The following TRIM41 variants were observed in gnomAD, a reference collection of about 807,000 sequenced individuals.
TRIM41 encodes the protein tripartite motif containing 41.
A neutral mutation model predicts 60.6 loss-of-function variants in TRIM41; 21 were observed. That is an observed-to-expected ratio of 0.35 (90% confidence interval 0.25 to 0.50). The LOEUF (loss-of-function observed/expected upper bound fraction) is 0.50, where lower values mean the gene tolerates loss of function less well. Ranked by LOEUF, TRIM41 falls within the 20% of genes least tolerant of loss-of-function variation. The probability of loss-of-function intolerance (pLI) is 0.98; values close to 1 mark genes in which losing one functional copy is unlikely to be tolerated. For missense variants in TRIM41, 846 were observed against 868.3 expected (o/e 0.97, Z 0.32); for synonymous variants, 407 against 344.9 (o/e 1.18, Z -2.00).
In TRIM41 at chr5:181,227,881, T is replaced by A. The variant is rs2113158301; in HGVS notation, c.814-2863T>A. On this transcript the variant is annotated intron_variant, in intron 1 of 5. Coordinates refer to ENST00000315073, the MANE Select transcript of TRIM41 (RefSeq NM_033549.5). ...TCACTGCAGCCTTGACCTTCTGGGT[T>A]CAGGTGATCCTGAGTAGTAGCTGGG... The A allele has an allele frequency of 2.0e-5, 3 of 152,148 alleles. No homozygotes were observed. In the South Asian group the frequency reaches 6.2e-4, roughly 32 times the overall value. The allele number at this position is 152,148 out of a possible 1,614,324, so 9.4% of individuals were successfully genotyped here.
chr5:181,230,699 C>T, intron 1 of TRIM41, 45 bp from the exon 2 acceptor site: 1 of 1,527,998 alleles, frequency 6.5e-7, no homozygotes, highest in Non-Finnish European at 9.0e-7. Flanking sequence ...CTCTGAAGGG[C>T]AGGTGCCTCT....
chr5:181,223,748 C>T lies in TRIM41; in HGVS notation c.-252C>T, dbSNP rs1240556814. 1 of 594,690 alleles carries T rather than the reference C, an allele frequency of 1.7e-6. No individual in the cohort carries two copies. Among genetic ancestry groups the T allele is most frequent in the Non-Finnish European group, 3.0e-6 (1 of 334,154 alleles). The allele number at this position is 594,690 out of a possible 1,614,324, so 36.8% of individuals were successfully genotyped here. On this transcript the variant is annotated 5_prime_UTR_variant, in exon 1 of 6. Coordinates refer to ENST00000315073, the MANE Select transcript of TRIM41 (RefSeq NM_033549.5). Reference sequence around the variant, plus strand: ...GGGAGCATTGGGGCAGACTTGTACTCAGAGCCACCTGAGGGACTTGGCGGT... The same window carrying T: ...GGGAGCATTGGGGCAGACTTGTACTTAGAGCCACCTGAGGGACTTGGCGGT...
At position 181,233,321 on chromosome 5, in the gene TRIM41, C is replaced by CT; in HGVS notation, c.1141-91dup. On this transcript the variant is annotated intron_variant, in intron 3 of 5. Coordinates refer to ENST00000315073, the MANE Select transcript of TRIM41 (RefSeq NM_033549.5). This position sits in a 1 kb window ranked among gnomAD's most constrained non-coding sequence, Gnocchi z 4.1. ...CTCCCTTCCTGCTCAGGTTCAGTCTCTGACTGGAGATCGGGGAACGCTGTC... is the reference window on the plus strand; with the variant it reads ...CTCCCTTCCTGCTCAGGTTCAGTCTCTTGACTGGAGATCGGGGAACGCTGTC... The CT allele has an allele frequency of 7.5e-7, 1 of 1,342,016 alleles. No homozygotes were observed. Among genetic ancestry groups the CT allele is most frequent in the Non-Finnish European group, 1.1e-6 (1 of 939,326 alleles). 83.1% of individuals were successfully genotyped at this position (1,342,016 alleles called of 1,614,324 possible).
chr5:181,232,957 C>A, intron 3 of TRIM41, 68 bp downstream of exon 3: 1 of 1,459,838 alleles, frequency 6.9e-7, no homozygotes, highest in Non-Finnish European at 9.3e-7. Flanking sequence ...TTACCAAACG[C>A]CTGTCCAGAG....
At chr5:181,232,978 T>C (rs1758875612) in intron 3 of TRIM41, 89 bp downstream of exon 3, 1 of 1,334,330 alleles carries the variant, frequency 7.5e-7, no homozygotes, top group Admixed American at 2.0e-5. Flanking sequence ...CTGCCTCTTT[T>C]CTCCCTGGGA....
Position 181,234,735 on chromosome 5 carries a change from G to A in TRIM41, c.1853G>A (p.Arg618Gln), listed in dbSNP as rs762679654. The A allele has an allele frequency of 3.1e-6, 5 of 1,613,762 alleles. No individual in the cohort carries two copies. The highest frequency in any genetic ancestry group is 2.2e-5 in the East Asian group (1 of 44,860). The change falls in exon 6 of 6, where the codon CGG (arginine) becomes CAG (glutamine). Residue 618 changes from arginine (R) to glutamine (Q), a missense_variant. Arg to Gln is a conservative substitution (Grantham distance 43). Coordinates refer to ENST00000315073, the MANE Select transcript of TRIM41 (RefSeq NM_033549.5). The surrounding 1 kb of genome is among the most constrained non-coding windows in gnomAD (Gnocchi z 5.6). Reference sequence around the variant, plus strand: ...GGCGAGCGTGTCTTTCCTTTCTTCCGGGTGCTCTCCAAGGGCACCCGCATC... The same window carrying A: ...GGCGAGCGTGTCTTTCCTTTCTTCCAGGTGCTCTCCAAGGGCACCCGCATC... ...FLGERVFPFFRVLSKGTRIKL... is the reference protein window; with the variant it reads ...FLGERVFPFFQVLSKGTRIKL...
At position 181,235,793 on chromosome 5, in the gene TRIM41, G is replaced by A. The variant is rs1759090000; in HGVS notation, c.*1018G>A. On this transcript the variant is annotated 3_prime_UTR_variant, in exon 6 of 6. Transcript: ENST00000315073. Reference sequence around the variant, plus strand: ...GGAAGGCGTGCTGTGGAAATAAAATGTTTATTTGCTTCTCTTGTGAGGTCT... The same window carrying A: ...GGAAGGCGTGCTGTGGAAATAAAATATTTATTTGCTTCTCTTGTGAGGTCT... 9.7e-6 allele frequency: 2 copies of A among 206,024 alleles called. No homozygotes were observed. Among genetic ancestry groups the A allele is most frequent in the Non-Finnish European group, 2.0e-5 (2 of 98,448 alleles). The allele number at this position is 206,024 out of a possible 1,614,324, so 12.8% of individuals were successfully genotyped here.
chr5:181,232,774 A>C lies in TRIM41; in HGVS notation c.1025A>C (p.Gln342Pro), dbSNP rs1320537247. 1.8e-5 allele frequency: 29 copies of C among 1,612,744 alleles called. No homozygotes were observed. Among genetic ancestry groups the C allele is most frequent in the Non-Finnish European group, 2.4e-5 (28 of 1,179,792 alleles). The change falls in exon 3 of 6, where the codon CAG becomes CCG. Residue 342 changes from glutamine (Q) to proline (P), a missense_variant. Coordinates refer to ENST00000315073, the MANE Select transcript of TRIM41 (RefSeq NM_033549.5). ...CGTCTCAGAGAGATGCATGAAGCCC[A>C]GCTGGGGCGTGCGGGAGCCGCGGCT... ...ERRLREMHEA[Q>P]LGRAGAAASR...
chr5:181,232,688 G>C lies in TRIM41; in HGVS notation c.939G>C (p.Val313=), dbSNP rs1240674291. The change falls in exon 3 of 6, where the codon GTG becomes GTC. Residue 313 remains valine (V), a synonymous_variant. Coordinates refer to ENST00000315073, the MANE Select transcript of TRIM41 (RefSeq NM_033549.5). ...AGATGAAGTCAGAGCTGGCAGCGGTGGCCTCGGAGTTTGGGCGACTGACAC... is the reference window on the plus strand; with the variant it reads ...AGATGAAGTCAGAGCTGGCAGCGGTCGCCTCGGAGTTTGGGCGACTGACAC... ...KSQMKSELAA[V]ASEFGRLTRF... The C allele has an allele frequency of 2.5e-6, 4 of 1,613,976 alleles. No individual in the cohort carries two copies. Among genetic ancestry groups the C allele is most frequent in the Non-Finnish European group, 3.4e-6 (4 of 1,180,016 alleles).
rs1758887812 is a variant in TRIM41, at chr5:181,233,254, GA to G, written c.1141-156del. The G allele has an allele frequency of 2.4e-6, 2 of 828,644 alleles. No individual in the cohort carries two copies. The highest frequency in any genetic ancestry group is 4.8e-5 in the East Asian group (2 of 41,342). The allele number at this position is 828,644 out of a possible 1,614,324, so 51.3% of individuals were successfully genotyped here. A position where few individuals can be genotyped will look rare whatever the true frequency, so the allele number is the denominator to read the frequency against. ...AGGTATGGCGAGGCATGGGGTGGTT[GA>G]AATGGATGTGTGTTCATTGAGGGCC... On this transcript the variant is annotated intron_variant, in intron 3 of 5. Transcript: ENST00000315073. The surrounding 1 kb of genome is among the most constrained non-coding windows in gnomAD (Gnocchi z 4.1).
chr5:181,235,211 T>G lies in TRIM41; in HGVS notation c.*436T>G, dbSNP rs1759046057. 2 of 1,560,148 alleles carry G rather than the reference T, an allele frequency of 1.3e-6. No homozygotes were observed. The highest frequency in any genetic ancestry group is 1.2e-5 in the South Asian group (1 of 85,230). On this transcript the variant is annotated 3_prime_UTR_variant, in exon 6 of 6. Transcript: ENST00000315073. ...ACATCCCCATTCCAATTCCATTTTC[T>G]GATGCAGATTTTAGCTGAGGGATTT...
rs763897060 is a variant in TRIM41, at chr5:181,233,432, A to G, written c.1160A>G (p.Asn387Ser). Residue 387 changes from asparagine to serine, a missense_variant, in exon 4 of 6, where the codon AAT (asparagine) becomes AGT (serine). By Grantham distance (46) the Asn-to-Ser change is conservative. Transcript: ENST00000315073. This position sits in a 1 kb window ranked among gnomAD's most constrained non-coding sequence, Gnocchi z 4.1. ...TCCCAGGACATCAAGGAGACTTTCAATAGGTGTGTTCCCAGTCTTTGCCCT... is the reference window on the plus strand; with the variant it reads ...TCCCAGGACATCAAGGAGACTTTCAGTAGGTGTGTTCCCAGTCTTTGCCCT... The part of the protein sequence containing the change: ...RLLQDIKETF[N>S]RCEEVQLQPP... 28 of 1,613,910 alleles carry G rather than the reference A, an allele frequency of 1.7e-5. No homozygotes were observed. The highest frequency in any genetic ancestry group is 2.3e-5 in the Non-Finnish European group (27 of 1,180,004).
Position 181,235,571 on chromosome 5 carries a change from C to A in TRIM41, c.*796C>A. 1 of 827,158 alleles carries A rather than the reference C, an allele frequency of 1.2e-6. No homozygotes were observed. The highest frequency in any genetic ancestry group is 2.7e-5 in the East Asian group (1 of 37,050). The allele number at this position is 827,158 out of a possible 1,614,324, so 51.2% of individuals were successfully genotyped here. The stretch of plus-strand genomic sequence containing the variant: ...CTCCTCTCCCCTTTGTTCAGTGGAG[C>A]TGGCTTTTCTCCCAGCCCCTTTCCA... On this transcript the variant is annotated 3_prime_UTR_variant, in exon 6 of 6. Transcript: ENST00000315073.
chr5:181,235,148 C>G lies in TRIM41; in HGVS notation c.*373C>G. The G allele has an allele frequency of 5.8e-6, 9 of 1,549,944 alleles. No individual in the cohort carries two copies. Among genetic ancestry groups the G allele is most frequent in the South Asian group, 1.2e-5 (1 of 82,838 alleles). ...TTTCCCCACCCCTGCTCTTCAACCT[C>G]TTTATCAGTTCTGAGGCTGGAGGGT... On this transcript the variant is annotated 3_prime_UTR_variant, in exon 6 of 6. Coordinates refer to ENST00000315073, the MANE Select transcript of TRIM41 (RefSeq NM_033549.5).
In TRIM41 at chr5:181,235,345, C is replaced by T. The variant is rs765491633; in HGVS notation, c.*570C>T. 8.7e-6 allele frequency: 14 copies of T among 1,614,078 alleles called. No homozygotes were observed. In the South Asian group the frequency reaches 1.5e-4, roughly 18 times the overall value. On this transcript the variant is annotated 3_prime_UTR_variant, in exon 6 of 6. Coordinates refer to ENST00000315073, the MANE Select transcript of TRIM41 (RefSeq NM_033549.5). ...ACTTTCCTTCCGTCCTCAATTTCTA[C>T]CTCCATAGACCGGCCAGAATTTAGC...
Position 181,234,982 on chromosome 5 carries a change from T to C in TRIM41, c.*207T>C. The stretch of plus-strand genomic sequence containing the variant: ...CAGCTCAGCCTTCTCTCACCTACTA[T>C]GTCTGTCCAACAGGTCTGCATGGGT... On this transcript the variant is annotated 3_prime_UTR_variant, in exon 6 of 6. Transcript: ENST00000315073. The surrounding 1 kb of genome is among the most constrained non-coding windows in gnomAD (Gnocchi z 5.6). 3.1e-6 allele frequency: 5 copies of C among 1,614,102 alleles called. No homozygotes were observed. Among genetic ancestry groups the C allele is most frequent in the Non-Finnish European group, 4.2e-6 (5 of 1,180,004 alleles).
rs757478190 is a variant in TRIM41, at chr5:181,235,041, T to C, written c.*266T>C. On this transcript the variant is annotated 3_prime_UTR_variant, in exon 6 of 6. Coordinates refer to ENST00000315073, the MANE Select transcript of TRIM41 (RefSeq NM_033549.5). Reference sequence around the variant, plus strand: ...ATGAGAACAGCTGCCTGGTCTTCTCTCCCAGTCTGCCTAGCCCAGCCCTGG... The same window carrying C: ...ATGAGAACAGCTGCCTGGTCTTCTCCCCCAGTCTGCCTAGCCCAGCCCTGG... 2 of 1,613,874 alleles carry C rather than the reference T, an allele frequency of 1.2e-6. No homozygotes were observed. Among genetic ancestry groups the C allele is most frequent in the South Asian group, 2.2e-5 (2 of 91,086 alleles).
intron 1 of TRIM41, chr5:181,229,016 A>G (rs922854063): frequency 1.3e-5 from 2 of 151,832 alleles, no homozygotes; most frequent in Non-Finnish European, 2.9e-5. Context: ...ATTATTGACT[A>G]GAAAAGTAGA....
At chr5:181,226,922 G>A (rs1758577655) in intron 1 of TRIM41, 1 of 151,608 alleles carries the variant, frequency 6.6e-6, no homozygotes, top group Admixed American at 6.6e-5. Flanking sequence ...TGCCCAGGCT[G>A]GAGTGCAATG....
Sources: gnomAD v4.1 joint callset for allele counts on GRCh38, gnomAD v4.1.1 for gene constraint, Gnocchi (gnomAD v3.1) non-coding constraint, MANE v1.5 for transcripts, NCBI Gene and HGNC (gene_info 2026-07-23, HGNC 2026-07-21) for gene names.